The following DOCK4 variants were observed in gnomAD, a reference collection of about 807,000 sequenced individuals.
DOCK4 encodes the protein dedicator of cytokinesis protein 4.
Under a neutral mutation model 268.1 loss-of-function variants are expected in DOCK4, and 97 were observed. The observed-to-expected ratio is 0.36, with a 90% CI of 0.31 to 0.43. The LOEUF (loss-of-function observed/expected upper bound fraction) is 0.43. Ranked by LOEUF, DOCK4 falls within the 20% of genes least tolerant of loss-of-function variation. The pLI is 1.00. For synonymous variants in DOCK4, 954 were observed against 887.2 expected (o/e 1.08, Z -1.34); for missense variants, 2,145 against 2,455.7 (o/e 0.87, Z 2.67).
intron 16 of DOCK4, among the ~76,000 whole-genome samples, chr7:111,892,484 G>A (rs747547156): frequency 6.6e-6 from 1 of 152,218 alleles, no homozygotes; most frequent in Non-Finnish European, 1.5e-5. Context: ...TTACAGGCAT[G>A]AGCCACTGTG....
intron 8 of DOCK4, among the ~76,000 whole-genome samples, chr7:111,951,404 TGTGGTCA>T (rs1364214472): frequency 2.0e-5 from 3 of 152,048 alleles, no homozygotes; most frequent in Non-Finnish European, 4.4e-5. Context: ...GCCAAAGTTG[TGTGGTCA>T]GTCAAGGATG....
At chr7:111,790,362 G>T in intron 31 of DOCK4, 95 bp downstream of exon 31, 1 of 1,467,822 alleles carries the variant, frequency 6.8e-7, no homozygotes, top group Non-Finnish European at 9.2e-7. Flanking sequence ...CTGACCCAGT[G>T]TTCATTTCCC....
rs149985510 is a variant in DOCK4 at position 112,056,206 on chromosome 7, C to T, written c.38-52075G>A. On this transcript the variant is annotated intron_variant, in intron 1 of 52. Transcript: ENST00000428084. Reference sequence around the variant, plus strand: ...TCAGCTTATTTTTACATAATTAGCCCCTCTGTAAGATGTTATTTGGAAAAG... The same window carrying T: ...TCAGCTTATTTTTACATAATTAGCCTCTCTGTAAGATGTTATTTGGAAAAG... Among the ~76,000 whole-genome samples, 666 of 152,024 alleles carry T rather than the reference C, an allele frequency of 4.4e-3. 8 individuals are homozygous for T. Among genetic ancestry groups the T allele is most frequent in the African/African-American group, 0.015 (632 of 41,456 alleles).
At chr7:111,944,927 A>G in intron 9 of DOCK4, 56 bp from the exon 10 acceptor site, 1 of 1,384,302 alleles carries the variant, frequency 7.2e-7, no homozygotes, top group African/African-American at 1.4e-5. Flanking sequence ...CTTAAAGGGC[A>G]TAGCACTTTA....
chr7:111,777,157 T>C (rs1798496359), intron 36 of DOCK4, among the ~76,000 whole-genome samples: 1 of 152,198 alleles, frequency 6.6e-6, no homozygotes, highest in Admixed American at 6.5e-5. Flanking sequence ...TATTTCTTGC[T>C]AGACACCATG....
intron 44 of DOCK4, among the ~76,000 whole-genome samples, chr7:111,743,014 AAG>A (rs1463901666): frequency 3.3e-5 from 5 of 152,094 alleles, no homozygotes; most frequent in African/African-American, 7.2e-5. Flanking sequence ...AAAAAGAAAA[AAG>A]AAAAAAATCC....
intron 13 of DOCK4, among the ~76,000 whole-genome samples, chr7:111,914,127 G>A (rs1191251513): frequency 6.6e-6 from 1 of 152,066 alleles, no homozygotes; most frequent in Non-Finnish European, 1.5e-5. Flanking sequence ...TGCTCTCCAT[G>A]CTGCATTCTC....
chr7:111,799,776 A>G (rs931586531), intron 30 of DOCK4, among the ~76,000 whole-genome samples: 2 of 152,244 alleles, frequency 1.3e-5, no homozygotes, highest in African/African-American at 4.8e-5. Context: ...AGCAACTTTT[A>G]ATTATACATG....
chr7:112,078,923 C>T (rs556672467), intron 1 of DOCK4, among the ~76,000 whole-genome samples: 28 of 152,156 alleles, frequency 1.8e-4, no homozygotes, highest in African/African-American at 6.5e-4. Flanking sequence ...GCCAGGAGTT[C>T]GAGACCAGTC....
At chr7:111,997,237 T>C (rs911736870) in intron 4 of DOCK4, among the ~76,000 whole-genome samples, 1 of 152,248 alleles carries the variant, frequency 6.6e-6, no homozygotes, top group Non-Finnish European at 1.5e-5. Context: ...CTTGGCTTGA[T>C]GCTTCTGGTG....
At chr7:111,922,077 C>T (rs575940063) in intron 12 of DOCK4, among the ~76,000 whole-genome samples, 53 of 152,264 alleles carry the variant, frequency 3.5e-4, no homozygotes, top group African/African-American at 1.1e-3. Context: ...TATGCGAAGG[C>T]GGTGAAATTC....
intron 1 of DOCK4, among the ~76,000 whole-genome samples, chr7:112,032,974 G>C (rs533599209): frequency 6.6e-6 from 1 of 152,260 alleles, no homozygotes; most frequent in African/African-American, 2.4e-5. Context: ...GCTAACAAAT[G>C]TAAATAAAAT....
chr7:111,788,828 G>T, intron 31 of DOCK4, 81 bp from the exon 32 acceptor site: 2 of 1,263,930 alleles, frequency 1.6e-6, no homozygotes, highest in Non-Finnish European at 2.3e-6. Flanking sequence ...ATTTCTTTGT[G>T]CCAAGGAAAA....
chr7:111,961,306 T>C (rs1796872950), intron 8 of DOCK4, among the ~76,000 whole-genome samples: 1 of 152,218 alleles, frequency 6.6e-6, no homozygotes, highest in East Asian at 1.9e-4. Flanking sequence ...TCAAAGTAGA[T>C]TCCTTCACTT....
intron 1 of DOCK4, among the ~76,000 whole-genome samples, chr7:112,063,190 A>ACGTT (rs1806592502): frequency 6.6e-6 from 1 of 152,200 alleles, no homozygotes; most frequent in Non-Finnish European, 1.5e-5. Flanking sequence ...ACTGCAAAAG[A>ACGTT]CCATCCTGAA....
At chr7:111,800,381 A>T (rs557772685) in intron 30 of DOCK4, among the ~76,000 whole-genome samples, 1 of 152,318 alleles carries the variant, frequency 6.6e-6, no homozygotes, top group African/African-American at 2.4e-5. Flanking sequence ...CCAATAACAT[A>T]TCTCTCCCGA....
Position 112,109,417 on chromosome 7 carries a change from T to C in DOCK4, c.37+96685A>G, listed in dbSNP as rs75605212. Among the ~76,000 whole-genome samples, 19 of 151,754 alleles carry C rather than the reference T, an allele frequency of 1.3e-4. No individual in the cohort carries two copies. In the East Asian group the frequency reaches 3.7e-3, roughly 29 times the overall value. ...AATAAGTCACAGAGAAGAAAAAAAA[T>C]GTATGGGAAGCTTAAAGTAGAAAAA... is the stretch of plus-strand genomic sequence containing the variant. On this transcript the variant is annotated intron_variant, in intron 1 of 52. Transcript: ENST00000428084.
chr7:112,028,108 A>T (rs567338702), intron 1 of DOCK4, among the ~76,000 whole-genome samples: 1 of 152,356 alleles, frequency 6.6e-6, no homozygotes, highest in East Asian at 1.9e-4. Flanking sequence ...AGGAACAGCA[A>T]GCCATCTAGG....
chr7:111,917,970 T>C (rs1207872914), intron 12 of DOCK4, among the ~76,000 whole-genome samples: 1 of 152,116 alleles, frequency 6.6e-6, no homozygotes, highest in Non-Finnish European at 1.5e-5. Flanking sequence ...TCCCTTTTAC[T>C]CTCTTTCAAT....
Sources: gnomAD v4.1 joint callset for allele counts (sites outside exome capture counted in the v4.1 genomes callset) on GRCh38, gnomAD v4.1.1 for gene constraint, MANE v1.5 for transcripts, NCBI Gene and HGNC (gene_info 2026-07-23, HGNC 2026-07-21) for gene names.